Variants in TRPM3 observed in about 807,000 individuals in gnomAD.
TRPM3 encodes long transient receptor potential channel 3.
TRPM3 carries 77 observed loss-of-function variants against 181.2 expected under a neutral mutation model. The ratio of observed to expected loss-of-function variants is 0.42; its 90% CI spans 0.35 to 0.51. The LOEUF is 0.51. Among genes scored for constraint, TRPM3 ranks in the 20% least tolerant of loss-of-function variants. The probability of loss-of-function intolerance (pLI) is 0.01; values close to 1 mark genes in which losing one functional copy is unlikely to be tolerated. For missense variants in TRPM3, 1,759 were observed against 2,196.7 expected, an observed-to-expected ratio of 0.80 and a Z score of 3.98; for synonymous variants, 745 against 796.4, an observed-to-expected ratio of 0.94 and a Z score of 1.09.
At chr9:71,348,275 G>A (rs1588610242) in intron 1 of TRPM3, among the ~76,000 whole-genome samples, 1 of 152,044 alleles carries the variant, frequency 6.6e-6, no homozygotes, top group South Asian at 2.1e-4. Flanking sequence ...TGCTACATTT[G>A]ATGAACAGTT....
chr9:70,668,721 G>T (rs1353959160), intron 9 of TRPM3, among the ~76,000 whole-genome samples: 3 of 146,636 alleles, frequency 2.0e-5, no homozygotes, highest in African/African-American at 7.6e-5. Flanking sequence ...TTCTATATTA[G>T]TTGTTATTGT....
chr9:70,921,403 A>G (rs2096651704), intron 1 of TRPM3, among the ~76,000 whole-genome samples: 2 of 152,238 alleles, frequency 1.3e-5, no homozygotes, highest in Non-Finnish European at 2.9e-5. Flanking sequence ...GCAAAATGCT[A>G]ACTCATCCAT....
intron 1 of TRPM3, among the ~76,000 whole-genome samples, chr9:71,090,897 A>G (rs1195326932): frequency 1.3e-5 from 2 of 152,178 alleles, no homozygotes; most frequent in Non-Finnish European, 2.9e-5. Flanking sequence ...TACTATTAGT[A>G]ATACAATCAG....
intron 1 of TRPM3, among the ~76,000 whole-genome samples, chr9:70,982,892 G>A (rs2097377388): frequency 6.6e-6 from 1 of 152,034 alleles, no homozygotes; most frequent in Non-Finnish European, 1.5e-5. Flanking sequence ...GTAAAGATGG[G>A]GTTTCGCCAT....
chr9:70,982,353 A>G (rs1375918880), intron 1 of TRPM3, among the ~76,000 whole-genome samples: 4 of 152,176 alleles, frequency 2.6e-5, no homozygotes, highest in Non-Finnish European at 5.9e-5. Context: ...CTCACATCAG[A>G]AAACCAAAGC....
intron 1 of TRPM3, among the ~76,000 whole-genome samples, chr9:70,934,816 G>C (rs1261577115): frequency 6.6e-6 from 1 of 151,920 alleles, no homozygotes; most frequent in Non-Finnish European, 1.5e-5. Context: ...TTAGCCCAAG[G>C]CTTTTCTCAG....
chr9:71,202,650 T>C (rs1274287214), intron 1 of TRPM3, among the ~76,000 whole-genome samples: 2 of 152,172 alleles, frequency 1.3e-5, no homozygotes, highest in Non-Finnish European at 2.9e-5. Flanking sequence ...CAGGGTGGTA[T>C]GTCAGTTGGT....
intron 1 of TRPM3, among the ~76,000 whole-genome samples, chr9:71,001,130 T>A (rs2097595065): frequency 1.3e-5 from 2 of 152,128 alleles, no homozygotes; most frequent in African/African-American, 4.8e-5. Context: ...TTAAGCTAAT[T>A]CTGATTTTTA....
upstream of TRPM3, among the ~76,000 whole-genome samples, chr9:71,123,261 A>G (rs1565248542): frequency 6.6e-6 from 1 of 152,224 alleles, no homozygotes; most frequent in Non-Finnish European, 1.5e-5. Flanking sequence ...AACGCTCAGC[A>G]TTTCTTTCAG....
intron 1 of TRPM3, among the ~76,000 whole-genome samples, chr9:71,084,479 A>G (rs1161371273): frequency 1.3e-5 from 2 of 152,004 alleles, no homozygotes; most frequent in East Asian, 3.9e-4. Flanking sequence ...TACAACAATA[A>G]TGTTCAAGCT....
rs188827400 is a variant in TRPM3, at chr9:71,163,117, G to A, written c.183+283536C>T. ...AAATGGTCCTTGTGTTGAAGGGAGC[G>A]GACATCTAAGGACAACTTTAACCCA... On this transcript the variant is annotated intron_variant, in intron 1 of 24. Coordinates refer to the TRPM3 transcript ENST00000357533. Among the ~76,000 whole-genome samples, 24 of 152,152 alleles carry A rather than the reference G, an allele frequency of 1.6e-4. No individual in the cohort carries two copies. The East Asian group carries it at 1.7e-3, about 11-fold the overall frequency.
At chr9:71,145,029 A>T (rs1369675374) in intron 1 of TRPM3, among the ~76,000 whole-genome samples, 1 of 152,154 alleles carries the variant, frequency 6.6e-6, no homozygotes, top group Non-Finnish European at 1.5e-5. Context: ...AGATAACATT[A>T]TTTGTTTCCA....
intron 1 of TRPM3, among the ~76,000 whole-genome samples, chr9:71,089,668 C>T (rs1591331558): frequency 6.6e-6 from 1 of 151,960 alleles, no homozygotes; most frequent in Admixed American, 6.6e-5. Context: ...ATATACTTTC[C>T]ATTCAGTCCA....
chr9:70,936,836 A>C (rs1223812473), intron 1 of TRPM3, among the ~76,000 whole-genome samples: 2 of 152,196 alleles, frequency 1.3e-5, no homozygotes, highest in Non-Finnish European at 2.9e-5. Context: ...AGGCTTGGGC[A>C]TTGAAGAAGA....
chr9:70,531,309 C>T lies in TRPM3; in HGVS notation c.*4644G>A, dbSNP rs1461104659. On this transcript the variant is annotated 3_prime_UTR_variant, in exon 26 of 26. Transcript: ENST00000677713. The stretch of plus-strand genomic sequence containing the variant: ...GTGCTTAAAAAAAAGATTTAAAAAT[C>T]CCTTGGTTACTTTTTTTTTGTTTTT... 2 of 152,090 alleles carry T rather than the reference C, an allele frequency of 1.3e-5. No homozygotes were observed. Among genetic ancestry groups the T allele is most frequent in the Admixed American group, 6.6e-5 (1 of 15,260 alleles). The allele number at this position is 152,090 out of a possible 1,614,324, so 9.4% of individuals were successfully genotyped here. A position where few individuals can be genotyped will look rare whatever the true frequency, so the allele number is the denominator to read the frequency against.
chr9:71,112,207 G>T (rs1784283449), intron 1 of TRPM3, among the ~76,000 whole-genome samples: 1 of 152,112 alleles, frequency 6.6e-6, no homozygotes, highest in South Asian at 2.1e-4. Context: ...ATTTTACAAT[G>T]TAACCCAGTC....
intron 1 of TRPM3, among the ~76,000 whole-genome samples, chr9:70,882,427 G>A (rs1475995320): frequency 1.3e-5 from 2 of 152,080 alleles, no homozygotes; most frequent in Non-Finnish European, 2.9e-5. Flanking sequence ...AATTTTGGTT[G>A]TCTTTTTCAT....
At chr9:70,686,825 CT>C (rs541527387) in intron 8 of TRPM3, among the ~76,000 whole-genome samples, 4 of 74,998 alleles carry the variant, frequency 5.3e-5, no homozygotes, top group East Asian at 4.4e-4. Flanking sequence ...TTTTCTTTTT[CT>C]TTTTTTTTTT....
At chr9:70,559,350 G>A (rs1356998336) in intron 22 of TRPM3, among the ~76,000 whole-genome samples, 5 of 152,166 alleles carry the variant, frequency 3.3e-5, no homozygotes, top group Admixed American at 6.5e-5. Flanking sequence ...ACCTCAACAA[G>A]TATCATCATG....
Sources: gnomAD v4.1 joint callset for allele counts (sites outside exome capture counted in the v4.1 genomes callset) on GRCh38, gnomAD v4.1.1 for gene constraint, MANE v1.5 for transcripts, NCBI Gene and HGNC (gene_info 2026-07-23, HGNC 2026-07-21) for gene names.